Variants in CELF2 observed in about 807,000 individuals in gnomAD.
CELF2 encodes the protein CUG triplet repeat RNA-binding protein 2.
A neutral mutation model predicts 62.6 loss-of-function variants in CELF2; 8 were observed. The observed-to-expected ratio is 0.13, with a 90% CI of 0.07 to 0.23. CELF2 has a LOEUF of 0.23. CELF2 is among the 10% of genes least tolerant of loss of function. The pLI is 1.00. For synonymous variants in CELF2, 258 were observed against 250.0 expected, an observed-to-expected ratio of 1.03 and a Z score of -0.30; for missense variants, 333 against 671.0, an observed-to-expected ratio of 0.50 and a Z score of 5.56.
chr10:10,996,159 C>T (rs2053924424), intron 2 of CELF2, among the ~76,000 whole-genome samples: 1 of 152,144 alleles, frequency 6.6e-6, no homozygotes, highest in East Asian at 1.9e-4. Context: ...TCAAAATCAA[C>T]TTGTGCTGTT....
the CELF2 span, among the ~76,000 whole-genome samples, chr10:10,658,373 A>T: frequency 7.9e-5 from 12 of 152,306 alleles, no homozygotes; most frequent in Non-Finnish European, 1.5e-4. Context: ...AGATTACCTT[A>T]CATTTCATAT....
intron 1 of CELF2, among the ~76,000 whole-genome samples, chr10:11,088,892 G>T (rs1249852776): frequency 6.6e-6 from 1 of 152,226 alleles, no homozygotes; most frequent in African/African-American, 2.4e-5. Context: ...CATCTGACAG[G>T]TGGGAAGTGT....
the CELF2 span, among the ~76,000 whole-genome samples, chr10:10,551,194 A>G: frequency 6.6e-6 from 1 of 152,210 alleles, no homozygotes; most frequent in Non-Finnish European, 1.5e-5. Context: ...CATGCAGCTC[A>G]AACCAGTGTT....
chr10:10,959,876 A>T (rs1189266808), intron 2 of CELF2, among the ~76,000 whole-genome samples: 2 of 152,244 alleles, frequency 1.3e-5, no homozygotes, highest in African/African-American at 4.8e-5. Context: ...CCGTTACAAC[A>T]TTGAATTATC....
At chr10:10,723,658 G>A in the CELF2 span, among the ~76,000 whole-genome samples, 1 of 152,160 alleles carries the variant, frequency 6.6e-6, no homozygotes, top group African/African-American at 2.4e-5. Context: ...GGGAGTTGGT[G>A]ATGTTTGAGA....
chr10:10,758,969 T>C, the CELF2 span, among the ~76,000 whole-genome samples: 2 of 152,226 alleles, frequency 1.3e-5, no homozygotes, highest in Admixed American at 1.3e-4. Context: ...AGAGCTTCCC[T>C]ATCTCCTAAT....
At chr10:11,093,454 G>A (rs193087173) in intron 1 of CELF2, among the ~76,000 whole-genome samples, 2 of 152,316 alleles carry the variant, frequency 1.3e-5, no homozygotes, top group East Asian at 3.9e-4. Context: ...AACTAGGGAT[G>A]TGGAGAAGGA....
intron 1 of CELF2, among the ~76,000 whole-genome samples, chr10:11,078,354 A>G (rs1421208566): frequency 6.6e-6 from 1 of 152,184 alleles, no homozygotes; most frequent in Non-Finnish European, 1.5e-5. Context: ...CTCACAGAAA[A>G]TGATTACCAA....
the CELF2 span, among the ~76,000 whole-genome samples, chr10:10,517,625 G>A: frequency 6.6e-6 from 1 of 152,182 alleles, no homozygotes; most frequent in South Asian, 2.1e-4. Context: ...CTGATGTCAG[G>A]TCTTAGGAGG....
intron 2 of CELF2, among the ~76,000 whole-genome samples, chr10:10,963,704 G>T (rs549241026): frequency 6.6e-6 from 1 of 152,098 alleles, no homozygotes; most frequent in African/African-American, 2.4e-5. Context: ...TTTAGTTTAC[G>T]GCTTTTGAGC....
chr10:10,679,492 G>A, the CELF2 span, among the ~76,000 whole-genome samples: 1 of 152,062 alleles, frequency 6.6e-6, no homozygotes, highest in Non-Finnish European at 1.5e-5. Flanking sequence ...GTTTCACCAT[G>A]TTGGCCAGGC....
At chr10:11,304,445 G>A in intron 9 of CELF2, among the ~76,000 whole-genome samples, 1 of 152,198 alleles carries the variant, frequency 6.6e-6, no homozygotes, top group East Asian at 1.9e-4. Context: ...ATTTTAAAGA[G>A]GAATTATTTC....
At chr10:10,475,781 A>C in the CELF2 span, among the ~76,000 whole-genome samples, 7 of 152,136 alleles carry the variant, frequency 4.6e-5, no homozygotes, top group African/African-American at 1.7e-4. Flanking sequence ...TTAACTTTTA[A>C]ATAATGAATG....
upstream of CELF2, among the ~76,000 whole-genome samples, chr10:11,015,525 C>A (rs1469926819): frequency 6.6e-6 from 1 of 152,156 alleles, no homozygotes; most frequent in Non-Finnish European, 1.5e-5. This position sits in a 1 kb window ranked among gnomAD's most constrained non-coding sequence, Gnocchi z 4.8. Context: ...TCAGATGCAC[C>A]CCATAAGCTC....
rs2054773940 is a variant in CELF2, at chr10:11,110,233, T to C, written c.75-55253T>C. On this transcript the variant is annotated intron_variant, in intron 1 of 12. Transcript: ENST00000633077. The surrounding 1 kb of genome is among the most constrained non-coding windows in gnomAD (Gnocchi z 4.0). The stretch of plus-strand genomic sequence containing the variant: ...AGGCTGCATGGAACCCTGAACGTCC[T>C]ACCGCACTCCAGCATGGGCGACAGA... Among the ~76,000 whole-genome samples the C allele has an allele frequency of 6.6e-6, 1 of 152,042 alleles. No individual in the cohort carries two copies.
chr10:11,009,667 A>G (rs2056075554), intron 1 of CELF2, among the ~76,000 whole-genome samples: 1 of 152,186 alleles, frequency 6.6e-6, no homozygotes, highest in Admixed American at 6.5e-5. Context: ...ACTTCAGCCC[A>G]TTCCAGGTTG....
At chr10:11,097,524 G>C (rs975410873) in intron 1 of CELF2, 2 of 152,186 alleles carry the variant, frequency 1.3e-5, no homozygotes. Context: ...CGAGCCACTT[G>C]GGTTATAATA....
the CELF2 span, among the ~76,000 whole-genome samples, chr10:10,785,905 A>T: frequency 2.6e-5 from 4 of 152,210 alleles, no homozygotes; most frequent in Non-Finnish European, 5.9e-5. Context: ...AAAAGAATGC[A>T]AAGTATGTGA....
At chr10:11,249,302 T>TGTCCTCTAG in intron 4 of CELF2, 101 bp downstream of exon 4, 1 of 933,780 alleles carries the variant, frequency 1.1e-6, no homozygotes, top group African/African-American at 1.6e-5. Context: ...CTTTTCTCTC[T>TGTCCTCTAG]AGAGGACAGA....
Sources: gnomAD v4.1 joint callset for allele counts (sites outside exome capture counted in the v4.1 genomes callset) on GRCh38, gnomAD v4.1.1 for gene constraint, Gnocchi (gnomAD v3.1) non-coding constraint, MANE v1.5 for transcripts, NCBI Gene and HGNC (gene_info 2026-07-23, HGNC 2026-07-21) for gene names.